The following KIRREL3 variants were observed in gnomAD, a reference collection of about 807,000 sequenced individuals.
The protein encoded by KIRREL3 is kin of IRRE-like protein 3.
KIRREL3 carries 36 observed loss-of-function variants against 89.7 expected under a neutral mutation model. That is an observed-to-expected ratio of 0.40 (90% confidence interval 0.31 to 0.53). The LOEUF (loss-of-function observed/expected upper bound fraction) is 0.53. Among genes scored for constraint, KIRREL3 ranks in the 20% least tolerant of loss-of-function variants. The pLI is 0.49. For synonymous variants in KIRREL3, 445 were observed against 441.4 expected, an observed-to-expected ratio of 1.01 and a Z score of -0.10; for missense variants, 864 against 1,056.6, an observed-to-expected ratio of 0.82 and a Z score of 2.53.
In KIRREL3 at chr11:126,551,424, T is replaced by C. The variant is rs1041400174; in HGVS notation, c.133+11411A>G. Among the ~76,000 whole-genome samples, 8 of 152,022 alleles carry C rather than the reference T, an allele frequency of 5.3e-5. No individual in the cohort carries two copies. The highest frequency in any genetic ancestry group is 1.9e-4 in the African/African-American group (8 of 41,382). ...ACACCCAACATATGGCAAAAGACTG[T>C]AGCAAGGGCTATGGGAGTTATGAGC... On this transcript the variant is annotated intron_variant, in intron 2 of 16. Coordinates refer to ENST00000525144, the MANE Select transcript of KIRREL3 (RefSeq NM_032531.4). This position sits in a 1 kb window ranked among gnomAD's most constrained non-coding sequence, Gnocchi z 4.9.
At chr11:126,667,494 A>G (rs1382951701) in intron 1 of KIRREL3, among the ~76,000 whole-genome samples, 3 of 152,212 alleles carry the variant, frequency 2.0e-5, no homozygotes, top group Admixed American at 6.5e-5. Flanking sequence ...TTGACTCCCA[A>G]TGCGAGGTGA....
At position 126,996,655 on chromosome 11, in the gene KIRREL3, C is replaced by T. The variant is rs1323096549; in HGVS notation, c.55+3800G>A. ...AGATTCAGATCACCATGACCCTCTG[C>T]CCTCTGACAGCTGCTGACAGCCCCT... is the stretch of plus-strand genomic sequence containing the variant. On this transcript the variant is annotated intron_variant, in intron 1 of 16. Transcript: ENST00000525144. This position sits in a 1 kb window ranked among gnomAD's most constrained non-coding sequence, Gnocchi z 4.7. 1.3e-5 allele frequency among the ~76,000 whole-genome samples: 2 copies of T among 152,194 alleles called. No homozygotes were observed. Among genetic ancestry groups the T allele is most frequent in the Non-Finnish European group, 2.9e-5 (2 of 68,032 alleles).
Position 126,978,615 on chromosome 11 carries a change from C to T in KIRREL3, c.55+21840G>A, listed in dbSNP as rs527441246. On this transcript the variant is annotated intron_variant, in intron 1 of 16. Coordinates refer to ENST00000525144, the MANE Select transcript of KIRREL3 (RefSeq NM_032531.4). This position sits in a 1 kb window ranked among gnomAD's most constrained non-coding sequence, Gnocchi z 4.2. ...TCCGTGTGGGTCCCTGAGTGGTCTA[C>T]GTTCTCCCATGCTTCCCAGGCTTTA... Among the ~76,000 whole-genome samples, 5 of 152,240 alleles carry T rather than the reference C, an allele frequency of 3.3e-5. No individual in the cohort carries two copies. Among genetic ancestry groups the T allele is most frequent in the African/African-American group, 9.6e-5 (4 of 41,546 alleles).
intron 2 of KIRREL3, among the ~76,000 whole-genome samples, chr11:126,543,181 C>T (rs557854988): frequency 8.5e-5 from 13 of 152,270 alleles, no homozygotes; most frequent in Admixed American, 2.0e-4. Context: ...TCAAAGAGAA[C>T]GAAGCAAAAC....
chr11:126,567,522 G>T (rs933106370), intron 1 of KIRREL3, among the ~76,000 whole-genome samples: 1 of 152,232 alleles, frequency 6.6e-6, no homozygotes, highest in Non-Finnish European at 1.5e-5. Flanking sequence ...ACAGGGAGGA[G>T]TGGGTCTTCT....
In KIRREL3 at chr11:126,486,533, G is replaced by T. The variant is rs562716609; in HGVS notation, c.434-13067C>A. On this transcript the variant is annotated intron_variant, in intron 4 of 16. Coordinates refer to ENST00000525144, the MANE Select transcript of KIRREL3 (RefSeq NM_032531.4). This position sits in a 1 kb window ranked among gnomAD's most constrained non-coding sequence, Gnocchi z 6.2. ...AGCCGCTCACAAAGCTCTCCAGCTG[G>T]TTTCGACCTTAACCTGATTTGGGGT... is the stretch of plus-strand genomic sequence containing the variant. 1.5e-4 allele frequency among the ~76,000 whole-genome samples: 23 copies of T among 152,350 alleles called. No individual in the cohort carries two copies. The South Asian group carries it at 4.3e-3, about 29-fold the overall frequency.
rs1442837981 is a variant in KIRREL3 at position 126,796,624 on chromosome 11, G to A, written c.55+203831C>T. Among the ~76,000 whole-genome samples, 4 of 152,136 alleles carry A rather than the reference G, an allele frequency of 2.6e-5. No individual in the cohort carries two copies. The highest frequency in any genetic ancestry group is 6.5e-5 in the Admixed American group (1 of 15,272). Reference sequence around the variant, plus strand: ...TGGCACAAGTGCCCTCTTATGTTAAGCATTGCCCCCAACCCTGCTTTTTAT... The same window carrying A: ...TGGCACAAGTGCCCTCTTATGTTAAACATTGCCCCCAACCCTGCTTTTTAT... On this transcript the variant is annotated intron_variant, in intron 1 of 16. Transcript: ENST00000525144. The surrounding 1 kb of genome is among the most constrained non-coding windows in gnomAD (Gnocchi z 5.1).
intron 1 of KIRREL3, among the ~76,000 whole-genome samples, chr11:126,947,415 A>G (rs1259474261): frequency 6.6e-6 from 1 of 152,216 alleles, no homozygotes; most frequent in Non-Finnish European, 1.5e-5. Flanking sequence ...TGCACTACTC[A>G]GAGCAGACGT....
intron 13 of KIRREL3, among the ~76,000 whole-genome samples, chr11:126,433,242 C>G (rs1037280359): frequency 1.3e-5 from 2 of 152,236 alleles, no homozygotes; most frequent in Non-Finnish European, 2.9e-5. Flanking sequence ...CCCCAGCCTA[C>G]CCTGCGTTCG....
Position 126,748,633 on chromosome 11 carries a change from G to GA in KIRREL3, c.56-185722dup, listed in dbSNP as rs1226231340. Among the ~76,000 whole-genome samples, 2 of 152,136 alleles carry GA rather than the reference G, an allele frequency of 1.3e-5. No homozygotes were observed. Among genetic ancestry groups the GA allele is most frequent in the Non-Finnish European group, 2.9e-5 (2 of 68,040 alleles). On this transcript the variant is annotated intron_variant, in intron 1 of 16. Coordinates refer to ENST00000525144, the MANE Select transcript of KIRREL3 (RefSeq NM_032531.4). The surrounding 1 kb of genome is among the most constrained non-coding windows in gnomAD (Gnocchi z 4.6). ...GGCAGGAAAGAAGAGGCCTCTGCGG[G>GA]AAGGGGGCAGGGGCAGGAAGGCCAA...
chr11:126,722,476 G>A (rs1034158394), intron 1 of KIRREL3, among the ~76,000 whole-genome samples: 2 of 152,232 alleles, frequency 1.3e-5, no homozygotes, highest in African/African-American at 4.8e-5. Context: ...GTTGGCAAAC[G>A]ATGGCCCTTG....
Position 126,885,939 on chromosome 11 carries a change from A to C in KIRREL3, c.55+114516T>G, listed in dbSNP as rs184490714. ...TGATTATGGGATATTGAACCTAATC[A>C]GTAAAGATAAGAAATATGACTAAGA... On this transcript the variant is annotated intron_variant, in intron 1 of 16. Transcript: ENST00000525144. Among the ~76,000 whole-genome samples the C allele has an allele frequency of 9.9e-4, 151 of 152,362 alleles. 1 individual carries two copies. Among genetic ancestry groups the C allele is most frequent in the Non-Finnish European group, 1.6e-3 (110 of 68,028 alleles).
At chr11:126,804,490 C>A (rs957063568) in intron 1 of KIRREL3, among the ~76,000 whole-genome samples, 1 of 152,180 alleles carries the variant, frequency 6.6e-6, no homozygotes, top group African/African-American at 2.4e-5. Context: ...AAAAAGACAG[C>A]AACCCACTTA....
rs1940182934 is a variant in KIRREL3 at position 126,562,271 on chromosome 11, C to T, written c.133+564G>A. Among the ~76,000 whole-genome samples, 1 of 152,016 alleles carries T rather than the reference C, an allele frequency of 6.6e-6. No homozygotes were observed. The highest frequency in any genetic ancestry group is 2.4e-5 in the African/African-American group (1 of 41,398). On this transcript the variant is annotated intron_variant, in intron 2 of 16. Coordinates refer to ENST00000525144, the MANE Select transcript of KIRREL3 (RefSeq NM_032531.4). This position sits in a 1 kb window ranked among gnomAD's most constrained non-coding sequence, Gnocchi z 4.7. ...ACACGTTTCTCAAGCCTTCAGTGAC[C>T]CAATGAAGCCAGTGCAAGAGGAAGA...
rs1180804266 is a variant in KIRREL3 at position 126,627,360 on chromosome 11, C to T, written c.56-64448G>A. 2.0e-5 allele frequency among the ~76,000 whole-genome samples: 3 copies of T among 152,184 alleles called. No individual in the cohort carries two copies. The highest frequency in any genetic ancestry group is 7.2e-5 in the African/African-American group (3 of 41,436). ...CCATGTTGAAGCATGGTGACCTGGT[C>T]TGTGTTCCTATAGGCCGCCCTTTAG... On this transcript the variant is annotated intron_variant, in intron 1 of 16. Coordinates refer to ENST00000525144, the MANE Select transcript of KIRREL3 (RefSeq NM_032531.4). The surrounding 1 kb of genome is among the most constrained non-coding windows in gnomAD (Gnocchi z 5.0).
chr11:126,750,013 C>T lies in KIRREL3; in HGVS notation c.56-187101G>A, dbSNP rs1184801140. On this transcript the variant is annotated intron_variant, in intron 1 of 16. Coordinates refer to ENST00000525144, the MANE Select transcript of KIRREL3 (RefSeq NM_032531.4). This position sits in a 1 kb window ranked among gnomAD's most constrained non-coding sequence, Gnocchi z 4.2. ...AAATGAGTGGTTCTGGATGAAGTTTCCTGACTTTACTGAACTTCAGTTTAG... is the reference window on the plus strand; with the variant it reads ...AAATGAGTGGTTCTGGATGAAGTTTTCTGACTTTACTGAACTTCAGTTTAG... 6.6e-6 allele frequency among the ~76,000 whole-genome samples: 1 copy of T among 152,180 alleles called. No homozygotes were observed. The highest frequency in any genetic ancestry group is 2.4e-5 in the African/African-American group (1 of 41,426).
At chr11:126,457,498 C>T (rs1443899536) in intron 6 of KIRREL3, among the ~76,000 whole-genome samples, 10 of 142,226 alleles carry the variant, frequency 7.0e-5, no homozygotes, top group South Asian at 2.3e-4. Context: ...TGTATGTATG[C>T]GTGTGTGTAT....
At chr11:126,600,985 C>T (rs1321511911) in intron 1 of KIRREL3, among the ~76,000 whole-genome samples, 1 of 152,158 alleles carries the variant, frequency 6.6e-6, no homozygotes, top group Non-Finnish European at 1.5e-5. Flanking sequence ...TCTCCTACCC[C>T]AGGAAGGTCA....
chr11:126,916,306 T>C (rs1265968018), intron 1 of KIRREL3, among the ~76,000 whole-genome samples: 1 of 152,186 alleles, frequency 6.6e-6, no homozygotes, highest in Non-Finnish European at 1.5e-5. Context: ...GTTAGGCATA[T>C]ATCAGAGTCA....
Sources: allele counts gnomAD v4.1 joint callset (sites outside exome capture counted in the v4.1 genomes callset), GRCh38; gene constraint gnomAD v4.1.1; non-coding constraint Gnocchi (gnomAD v3.1); transcripts MANE v1.5; gene names NCBI Gene and HGNC (gene_info 2026-07-23, HGNC 2026-07-21).